The following SMC1B variants were observed in gnomAD, a reference collection of about 807,000 sequenced individuals.
The protein encoded by SMC1B is structural maintenance of chromosomes 1B.
SMC1B carries 60 observed loss-of-function variants against 157.9 expected under a neutral mutation model. That is an observed-to-expected ratio of 0.38 (90% confidence interval 0.31 to 0.47). The LOEUF is 0.47. Ranked by LOEUF, SMC1B falls within the 20% of genes least tolerant of loss-of-function variation. The pLI is 0.99. For missense variants in SMC1B, 1,165 were observed against 1,426.2 expected (o/e 0.82, Z 2.95); for synonymous variants, 445 against 483.0 (o/e 0.92, Z 1.03).
chr22:45,354,370 G>GTATGTATA (rs2086649224), intron 20 of SMC1B, among the ~76,000 whole-genome samples: 1 of 151,828 alleles, frequency 6.6e-6, no homozygotes, highest in Admixed American at 6.6e-5. Context: ...GGGTATGTAT[G>GTATGTATA]TATGTATGTA....
chr22:45,345,354 A>G (rs2086539769), intron 24 of SMC1B, 105 bp downstream of exon 24: 1 of 622,024 alleles, frequency 1.6e-6, no homozygotes, highest in East Asian at 2.7e-5. Context: ...TCATTTCAGC[A>G]TTAGACTCCA....
In SMC1B at chr22:45,344,453, C is replaced by T. The variant is rs952116535; in HGVS notation, c.*103G>A. The stretch of plus-strand genomic sequence containing the variant: ...CGACTAAGGTTTCTCTTAAAGGGTG[C>T]ACCAGGCTGGTCCTGCTTGCTCCAG... On this transcript the variant is annotated 3_prime_UTR_variant, in exon 25 of 25. Transcript: ENST00000357450. 7 of 767,500 alleles carry T rather than the reference C, an allele frequency of 9.1e-6. No individual in the cohort carries two copies. The highest frequency in any genetic ancestry group is 2.1e-5 in the Admixed American group (1 of 47,272). The allele number at this position is 767,500 out of a possible 1,614,324, so 47.5% of individuals were successfully genotyped here. A position where few individuals can be genotyped will look rare whatever the true frequency, so the allele number is the denominator to read the frequency against.
intron 16 of SMC1B, 119 bp downstream of exon 16, chr22:45,362,766 T>G: frequency 1.2e-6 from 1 of 812,238 alleles, no homozygotes; most frequent in Non-Finnish European, 2.0e-6. Context: ...TAAGTATTTC[T>G]TAAATCTGTC....
intron 5 of SMC1B, among the ~76,000 whole-genome samples, chr22:45,399,583 G>A (rs2087168177): frequency 6.6e-6 from 1 of 152,140 alleles, no homozygotes; most frequent in Non-Finnish European, 1.5e-5. Context: ...TTGACACTAT[G>A]AATTTGCCAA....
chr22:45,382,314 C>T (rs2086944147), intron 12 of SMC1B, among the ~76,000 whole-genome samples: 1 of 152,158 alleles, frequency 6.6e-6, no homozygotes, highest in Non-Finnish European at 1.5e-5. Context: ...ACTTTTGATA[C>T]ATACAACATG....
intron 17 of SMC1B, among the ~76,000 whole-genome samples, chr22:45,360,971 T>C (rs1233681002): frequency 5.5e-5 from 4 of 72,512 alleles, no homozygotes; most frequent in Non-Finnish European, 1.1e-4. Context: ...TTGTGCCAGG[T>C]ACTTTTTTTT....
chr22:45,377,224 TCTAG>T (rs1195293736), intron 12 of SMC1B, among the ~76,000 whole-genome samples: 1 of 152,240 alleles, frequency 6.6e-6, no homozygotes, highest in Admixed American at 6.5e-5. Context: ...TATGTTTGCG[TCTAG>T]CTTTTTTTTC....
At chr22:45,388,712 C>G (rs1602081102) in intron 10 of SMC1B, among the ~76,000 whole-genome samples, 1 of 152,068 alleles carries the variant, frequency 6.6e-6, no homozygotes, top group South Asian at 2.1e-4. Context: ...CGTGATGGCT[C>G]ACGCCTGTAA....
chr22:45,369,960 T>G lies in SMC1B; in HGVS notation c.2414A>C (p.Gln805Pro). The G allele has an allele frequency of 6.5e-7, 1 of 1,548,902 alleles. No homozygotes were observed. The highest frequency in any genetic ancestry group is 8.8e-7 in the Non-Finnish European group (1 of 1,132,974). The stretch of plus-strand genomic sequence containing the variant: ...CATCTTTTTATAAAAATACCTTTTT[T>G]GATCAATTTCTTGTTGCCGTTTAAC... ...KHVKRQQEID[Q>P]KRLEFEKQKT... Residue 805 changes from glutamine (Q) to proline (P), a missense_variant, in exon 15 of 25, where the codon CAA becomes CCA. Coordinates refer to ENST00000357450, the MANE Select transcript of SMC1B (RefSeq NM_148674.5).
chr22:45,403,517 G>A lies in SMC1B; in HGVS notation c.616-946C>T, dbSNP rs146949960. 5.4e-3 allele frequency among the ~76,000 whole-genome samples: 824 copies of A among 152,252 alleles called. 5 individuals are homozygous for A. The highest frequency in any genetic ancestry group is 0.017 in the African/African-American group (721 of 41,536). ...CACCCAGGCTGGAATGCAATGGCAC[G>A]ATCACAGCTCACTGTAGCCTCGACC... is the stretch of plus-strand genomic sequence containing the variant. On this transcript the variant is annotated intron_variant, in intron 4 of 24. Transcript: ENST00000357450.
intron 9 of SMC1B, 100 bp downstream of exon 9, chr22:45,393,533 TA>T: frequency 1.2e-6 from 1 of 842,886 alleles, no homozygotes; most frequent in Non-Finnish European, 1.9e-6. Context: ...TATTGCTTTG[TA>T]ATAATGGTAA....
intron 19 of SMC1B, among the ~76,000 whole-genome samples, chr22:45,358,272 A>G (rs1488492016): frequency 1.3e-5 from 2 of 152,184 alleles, no homozygotes. Context: ...TCTATGAGCC[A>G]TTCTAGCATA....
At chr22:45,382,370 A>G (rs1223233815) in intron 12 of SMC1B, among the ~76,000 whole-genome samples, 1 of 152,228 alleles carries the variant, frequency 6.6e-6, no homozygotes, top group African/African-American at 2.4e-5. Context: ...AACACAAAAG[A>G]CTACTGACTG....
intron 15 of SMC1B, among the ~76,000 whole-genome samples, chr22:45,368,188 T>G (rs1164945102): frequency 6.6e-6 from 1 of 152,220 alleles, no homozygotes; most frequent in African/African-American, 2.4e-5. Context: ...CTTAAGAATA[T>G]TCAACCAAGA....
At chr22:45,374,550 G>A (rs6007004) in intron 12 of SMC1B, among the ~76,000 whole-genome samples, 1,890 of 152,302 alleles carry the variant, frequency 0.012, 41 homozygotes, top group African/African-American at 0.043. Context: ...AATTTTTACA[G>A]TTTGGACCAA....
intron 23 of SMC1B, among the ~76,000 whole-genome samples, chr22:45,348,323 G>A (rs1381901010): frequency 1.3e-5 from 2 of 152,176 alleles, no homozygotes; most frequent in Non-Finnish European, 2.9e-5. Context: ...AGGTTGAAGC[G>A]GGTAGATCTC....
At chr22:45,353,643 C>G (rs1203498889) in intron 21 of SMC1B, among the ~76,000 whole-genome samples, 1 of 152,030 alleles carries the variant, frequency 6.6e-6, no homozygotes, top group South Asian at 2.1e-4. Context: ...CAGAAACCAA[C>G]AGTTCTATAA....
rs1056041505 is a variant in SMC1B at position 45,389,998 on chromosome 22, T to C, written c.1546-101A>G. ...ACAAAGTAGCGCAGACAAAAACTAA[T>C]TTTATAAAATTACATACATCATAAT... On this transcript the variant is annotated intron_variant, in intron 9 of 24. Coordinates refer to ENST00000357450, the MANE Select transcript of SMC1B (RefSeq NM_148674.5). 3 of 937,330 alleles carry C rather than the reference T, an allele frequency of 3.2e-6. No individual in the cohort carries two copies. In the African/African-American group the frequency reaches 5.0e-5, roughly 16 times the overall value. 58.1% of individuals were successfully genotyped at this position (937,330 alleles called of 1,614,324 possible).
rs572044314 is a variant in SMC1B at position 45,374,380 on chromosome 22, A to T, written c.2059-2088T>A. On this transcript the variant is annotated intron_variant, in intron 12 of 24. Coordinates refer to ENST00000357450, the MANE Select transcript of SMC1B (RefSeq NM_148674.5). ...GAGATTGGGTTTGATGTAAAAAATT[A>T]CTCTTGCAACATGTGTACAAATATC... 1.2e-3 allele frequency among the ~76,000 whole-genome samples: 177 copies of T among 152,238 alleles called. 1 individual carries two copies. Among genetic ancestry groups the T allele is most frequent in the African/African-American group, 4.1e-3 (170 of 41,556 alleles).
Sources: gnomAD v4.1 joint callset for allele counts (sites outside exome capture counted in the v4.1 genomes callset) on GRCh38, gnomAD v4.1.1 for gene constraint, MANE v1.5 for transcripts, NCBI Gene and HGNC (gene_info 2026-07-23, HGNC 2026-07-21) for gene names.